Variants in ZNF680 observed in about 807,000 individuals in gnomAD.
ZNF680 encodes the protein hypothetical protein FLJ90430.
In ZNF680, 6 loss-of-function variants were observed where a neutral mutation model predicts 12.1. The ratio of observed to expected loss-of-function variants is 0.49; its 90% CI spans 0.27 to 0.98. The LOEUF (loss-of-function observed/expected upper bound fraction) is 0.98. ZNF680 is among the 50% of genes least tolerant of loss of function. ZNF680 has a pLI of 0.12. For synonymous variants in ZNF680, 170 were observed against 199.3 expected, an observed-to-expected ratio of 0.85 and a Z score of 1.24; for missense variants, 561 against 616.3, an observed-to-expected ratio of 0.91 and a Z score of 0.95.
At chr7:64,542,161 A>G (rs1786540057) in intron 3 of ZNF680, among the ~76,000 whole-genome samples, 1 of 152,156 alleles carries the variant, frequency 6.6e-6, no homozygotes, top group African/African-American at 2.4e-5. Context: ...CAGACCCAGC[A>G]GCCTTGTGAC....
intron 3 of ZNF680, among the ~76,000 whole-genome samples, chr7:64,532,340 T>C (rs1243759484): frequency 6.6e-6 from 1 of 150,586 alleles, no homozygotes; most frequent in African/African-American, 2.4e-5. Context: ...AAAATCTAAA[T>C]AACCTCAATA....
intron 3 of ZNF680, among the ~76,000 whole-genome samples, chr7:64,523,688 C>T (rs765649108): frequency 1.8e-4 from 28 of 151,876 alleles, no homozygotes; most frequent in African/African-American, 5.1e-4. Flanking sequence ...CCGAGGCGGG[C>T]GGATCACGAG....
At chr7:64,500,167 C>T in the ZNF680 span, among the ~76,000 whole-genome samples, 2 of 152,160 alleles carry the variant, frequency 1.3e-5, no homozygotes, top group African/African-American at 2.4e-5. Flanking sequence ...TCGTGTTTCT[C>T]TTCTCTTTAA....
intron 1 of ZNF680, among the ~76,000 whole-genome samples, chr7:64,553,250 A>G (rs1031741516): frequency 4.6e-5 from 7 of 152,212 alleles, no homozygotes; most frequent in Admixed American, 1.3e-4. Flanking sequence ...TATATACTGA[A>G]TCGTTTATTT....
intron 3 of ZNF680, among the ~76,000 whole-genome samples, chr7:64,538,360 C>T (rs1217393730): frequency 2.0e-5 from 3 of 152,084 alleles, no homozygotes; most frequent in Admixed American, 6.5e-5. Context: ...AAAATATTTG[C>T]AAATCACATG....
downstream of ZNF680, among the ~76,000 whole-genome samples, chr7:64,518,520 T>C (rs1432883711): frequency 6.6e-6 from 1 of 151,936 alleles, no homozygotes; most frequent in Non-Finnish European, 1.5e-5. Context: ...AAATACAATG[T>C]AGCTCCCATC....
rs545485063 is a variant in ZNF680 at position 64,525,924 on chromosome 7, C to T, written c.254-3424G>A. 22 of 984,872 alleles carry T rather than the reference C, an allele frequency of 2.2e-5. No homozygotes were observed. The African/African-American group carries it at 3.3e-4, about 15-fold the overall frequency. The allele number at this position is 984,872 out of a possible 1,614,324, so 61.0% of individuals were successfully genotyped here. ...GGGAAAATATTTATACAGGTAAACA[C>T]AGAGATCGTTATATTGGTAGTAGAC... On this transcript the variant is annotated intron_variant, in intron 3 of 3. Coordinates refer to ENST00000309683, the MANE Select transcript of ZNF680 (RefSeq NM_178558.5).
At chr7:64,523,926 G>T (rs71562914) in intron 3 of ZNF680, among the ~76,000 whole-genome samples, 1 of 149,630 alleles carries the variant, frequency 6.7e-6, no homozygotes, top group Non-Finnish European at 1.5e-5. Flanking sequence ...AAAAAAAAAA[G>T]AATTTTAAAA....
chr7:64,508,857 T>C, the ZNF680 span, among the ~76,000 whole-genome samples: 1 of 152,198 alleles, frequency 6.6e-6, no homozygotes, highest in East Asian at 1.9e-4. Flanking sequence ...TATAATCTTG[T>C]TGGGTAGAGT....
intron 3 of ZNF680, among the ~76,000 whole-genome samples, chr7:64,541,210 T>TA (rs1320716814): frequency 6.6e-6 from 1 of 152,248 alleles, no homozygotes; most frequent in Non-Finnish European, 1.5e-5. Context: ...GAAGCAAACT[T>TA]AAATTTATAA....
At chr7:64,553,723 T>A (rs753097170) in intron 1 of ZNF680, among the ~76,000 whole-genome samples, 2 of 151,982 alleles carry the variant, frequency 1.3e-5, no homozygotes, top group Non-Finnish European at 1.5e-5. Flanking sequence ...GTGCCTGGGA[T>A]TGCAGGCGCG....
chr7:64,542,770 C>T (rs1178986753), intron 3 of ZNF680, among the ~76,000 whole-genome samples: 1 of 152,156 alleles, frequency 6.6e-6, no homozygotes, highest in Non-Finnish European at 1.5e-5. Context: ...ACAATCTCAG[C>T]TCACTGCAGC....
chr7:64,501,606 G>C, the ZNF680 span: 3 of 763,978 alleles, frequency 3.9e-6, no homozygotes, highest in South Asian at 2.7e-5. Flanking sequence ...TGAGGAGGGG[G>C]ATCTACTGGA....
chr7:64,539,169 T>C (rs1173874324), intron 3 of ZNF680, among the ~76,000 whole-genome samples: 1 of 133,906 alleles, frequency 7.5e-6, no homozygotes, highest in Admixed American at 7.6e-5. Context: ...GCTGAAGCAA[T>C]CCAGATGTTG....
intron 1 of ZNF680, among the ~76,000 whole-genome samples, chr7:64,553,276 AATATGATTT>A (rs1562773291): frequency 6.6e-6 from 1 of 152,244 alleles, no homozygotes; most frequent in Admixed American, 6.5e-5. Flanking sequence ...CACCTAGATT[AATATGATTT>A]ATATGATTTA....
At chr7:64,508,123 G>GTATATATATATATATATATATA in the ZNF680 span, among the ~76,000 whole-genome samples, 900 of 117,486 alleles carry the variant, frequency 7.7e-3, 78 homozygotes, top group African/African-American at 0.034. Context: ...ATTTTAAAAT[G>GTATATATATATATATATATATA]TATATATATA....
At chr7:64,538,278 A>G (rs1786287108) in intron 3 of ZNF680, among the ~76,000 whole-genome samples, 1 of 152,254 alleles carries the variant, frequency 6.6e-6, no homozygotes, top group African/African-American at 2.4e-5. Flanking sequence ...ACTGAACTAC[A>G]CAGTACTTCA....
the ZNF680 span, among the ~76,000 whole-genome samples, chr7:64,514,831 G>T: frequency 6.6e-6 from 1 of 152,296 alleles, no homozygotes; most frequent in East Asian, 1.9e-4. Flanking sequence ...ATCACCTGAG[G>T]TCGGGAATTC....
chr7:64,503,115 C>T, the ZNF680 span, among the ~76,000 whole-genome samples: 1 of 152,066 alleles, frequency 6.6e-6, no homozygotes, highest in Non-Finnish European at 1.5e-5. Context: ...ATGAAACCAC[C>T]AGGTAAAATG....
Sources: allele counts gnomAD v4.1 joint callset (sites outside exome capture counted in the v4.1 genomes callset), GRCh38; gene constraint gnomAD v4.1.1; transcripts MANE v1.5; gene names NCBI Gene and HGNC (gene_info 2026-07-23, HGNC 2026-07-21).